The following ATP9B variants were observed in gnomAD, a reference collection of about 807,000 sequenced individuals.
ATP9B encodes probable phospholipid-transporting ATPase IIB.
In ATP9B, 110 loss-of-function variants were observed where a neutral mutation model predicts 146.1. That is an observed-to-expected ratio of 0.75 (90% CI 0.65 to 0.88). The LOEUF is 0.88. Ranked by LOEUF, ATP9B falls within the 40% of genes least tolerant of loss-of-function variation. The probability of loss-of-function intolerance (pLI) is 0.00; values close to 1 mark genes in which losing one functional copy is unlikely to be tolerated. For synonymous variants in ATP9B, 604 were observed against 569.7 expected (o/e 1.06, Z -0.86); for missense variants, 1,499 against 1,496.4 (o/e 1.00, Z -0.03).
chr18:79,255,476 G>C (rs1481743038), intron 12 of ATP9B, among the ~76,000 whole-genome samples: 1 of 152,164 alleles, frequency 6.6e-6, no homozygotes, highest in Non-Finnish European at 1.5e-5. Context: ...ACACATGAAT[G>C]AGCCCTAATC....
intron 19 of ATP9B, among the ~76,000 whole-genome samples, chr18:79,338,028 C>T (rs2096837322): frequency 6.6e-6 from 1 of 152,184 alleles, no homozygotes; most frequent in Admixed American, 6.5e-5. Context: ...GCATGAGAAC[C>T]CAGACCTCAT....
chr18:79,167,643 C>G (rs913656498), intron 7 of ATP9B, among the ~76,000 whole-genome samples: 2 of 152,124 alleles, frequency 1.3e-5, no homozygotes, highest in Middle Eastern at 3.2e-3. Context: ...TTTTTATGAA[C>G]TTAGAAGGGA....
rs1168514822 is a variant in ATP9B, at chr18:79,329,222, A to G, written c.1855A>G (p.Ser619Gly). The change falls in exon 16 of 30, where the codon AGT becomes GGT. Residue 619 changes from serine to glycine, a missense_variant. Ser to Gly is a moderately conservative substitution (Grantham distance 56). Transcript: ENST00000426216. Reference protein sequence around the residue: ...DLTSMQLKTPSGQVLSFCILQ... With the variant: ...DLTSMQLKTPGGQVLSFCILQ... Reference sequence around the variant, plus strand: ...CACCTCCATGCAGCTGAAGACCCCCAGTGGCCAGGTCCTCAGCTTCTGCAT... The same window carrying G: ...CACCTCCATGCAGCTGAAGACCCCCGGTGGCCAGGTCCTCAGCTTCTGCAT... The G allele has an allele frequency of 1.9e-6, 3 of 1,612,910 alleles. No homozygotes were observed. The Admixed American group carries it at 5.0e-5, about 27-fold the overall frequency.
chr18:79,263,552 G>A (rs988170763), intron 12 of ATP9B, among the ~76,000 whole-genome samples: 6 of 152,206 alleles, frequency 3.9e-5, no homozygotes, highest in Admixed American at 1.3e-4. Context: ...AAATCATACT[G>A]GATGTTTTCT....
At chr18:79,167,788 G>C (rs2094998068) in intron 7 of ATP9B, among the ~76,000 whole-genome samples, 1 of 152,132 alleles carries the variant, frequency 6.6e-6, no homozygotes, top group Non-Finnish European at 1.5e-5. Flanking sequence ...GCCCGGCCCC[G>C]AGGCTTCAGG....
At chr18:79,177,475 T>C (rs1339442857) in intron 8 of ATP9B, among the ~76,000 whole-genome samples, 1 of 151,986 alleles carries the variant, frequency 6.6e-6, no homozygotes, top group Admixed American at 6.6e-5. Flanking sequence ...ACTCCTGGTC[T>C]CAAGCAGTCC....
At chr18:79,089,535 C>A (rs1042149902) in intron 1 of ATP9B, among the ~76,000 whole-genome samples, 2 of 152,098 alleles carry the variant, frequency 1.3e-5, no homozygotes, top group Non-Finnish European at 2.9e-5. Context: ...TGCTTTTCCT[C>A]CAGATGTCAC....
chr18:79,076,342 T>C (rs2072611902), intron 1 of ATP9B, among the ~76,000 whole-genome samples: 1 of 152,232 alleles, frequency 6.6e-6, no homozygotes, highest in Non-Finnish European at 1.5e-5. Context: ...GTAAGTCTAC[T>C]GGAAACAAAT....
intron 15 of ATP9B, among the ~76,000 whole-genome samples, chr18:79,327,573 G>GTGCTCTCCGTGGTTAA (rs1265318325): frequency 3.3e-5 from 2 of 60,992 alleles, no homozygotes; most frequent in Non-Finnish European, 6.5e-5. Context: ...TCCGTGGTTA[G>GTGCTCTCCGTGGTTAA]CGTGCTCTCC....
intron 16 of ATP9B, 91 bp from the exon 17 acceptor site, chr18:79,329,920 CT>C: frequency 8.4e-7 from 1 of 1,187,758 alleles, no homozygotes; most frequent in Non-Finnish European, 1.2e-6. Flanking sequence ...ATAGGAATTG[CT>C]TTTTCCATTG....
chr18:79,195,642 A>G (rs1440997027), intron 9 of ATP9B, among the ~76,000 whole-genome samples: 2 of 152,220 alleles, frequency 1.3e-5, no homozygotes, highest in Non-Finnish European at 1.5e-5. Context: ...TCAAGAATGT[A>G]AGAATAAAAG....
At chr18:79,284,488 C>T (rs191715875) in intron 13 of ATP9B, among the ~76,000 whole-genome samples, 1 of 152,310 alleles carries the variant, frequency 6.6e-6, no homozygotes, top group East Asian at 1.9e-4. Flanking sequence ...TCACTTTAAA[C>T]AGTGTCATTG....
At chr18:79,083,007 C>A (rs907708710) in intron 1 of ATP9B, among the ~76,000 whole-genome samples, 1 of 152,206 alleles carries the variant, frequency 6.6e-6, no homozygotes, top group Non-Finnish European at 1.5e-5. Context: ...GTGCCCACAA[C>A]CTACCCTTCC....
chr18:79,272,609 G>A (rs892464104), intron 12 of ATP9B, among the ~76,000 whole-genome samples: 21 of 150,426 alleles, frequency 1.4e-4, no homozygotes, highest in Admixed American at 6.0e-4. Flanking sequence ...GCACGGATAC[G>A]CTCCTCTCCC....
At chr18:79,195,878 A>G (rs538637078) in intron 9 of ATP9B, among the ~76,000 whole-genome samples, 1 of 152,376 alleles carries the variant, frequency 6.6e-6, no homozygotes, top group African/African-American at 2.4e-5. Context: ...AATACTCAAC[A>G]TGAGAGTCTT....
At chr18:79,245,434 A>G (rs766038786) in intron 11 of ATP9B, among the ~76,000 whole-genome samples, 5 of 152,216 alleles carry the variant, frequency 3.3e-5, no homozygotes, top group Non-Finnish European at 7.3e-5. Context: ...CAAAAAAAAC[A>G]GTAAATCTGT....
At chr18:79,241,406 C>T (rs1016984591) in intron 11 of ATP9B, among the ~76,000 whole-genome samples, 5 of 152,094 alleles carry the variant, frequency 3.3e-5, no homozygotes, top group East Asian at 3.9e-4. Context: ...TTAGATCCCC[C>T]GTAGTGTGAG....
At chr18:79,306,033 G>T (rs1018724362) in intron 14 of ATP9B, among the ~76,000 whole-genome samples, 1 of 152,238 alleles carries the variant, frequency 6.6e-6, no homozygotes, top group African/African-American at 2.4e-5. Flanking sequence ...TCGCAGCAGC[G>T]TGAGCAGGCG....
At chr18:79,155,233 A>G (rs1478857431) in intron 7 of ATP9B, among the ~76,000 whole-genome samples, 1 of 152,246 alleles carries the variant, frequency 6.6e-6, no homozygotes, top group East Asian at 1.9e-4. Context: ...CTGTATAGGT[A>G]CTGTACTCAG....
Sources: allele counts gnomAD v4.1 joint callset (sites outside exome capture counted in the v4.1 genomes callset), GRCh38; gene constraint gnomAD v4.1.1; transcripts MANE v1.5; gene names NCBI Gene and HGNC (gene_info 2026-07-23, HGNC 2026-07-21).